TRPM1: variants seen among roughly 807,000 people sequenced by gnomAD.
TRPM1 encodes the protein TRPM1-203 APA Isoform, Intron 10.
TRPM1 carries 113 observed loss-of-function variants against 149.4 expected under a neutral mutation model. The observed-to-expected ratio is 0.76, with a 90% CI of 0.65 to 0.88. The LOEUF (loss-of-function observed/expected upper bound fraction) is 0.88, where lower values mean the gene tolerates loss of function less well. Ranked by LOEUF, TRPM1 falls within the 40% of genes least tolerant of loss-of-function variation. The pLI, the probability that TRPM1 is intolerant of heterozygous loss-of-function variation, is 0.00. For synonymous variants in TRPM1, 741 were observed against 759.5 expected (o/e 0.98, Z 0.40); for missense variants, 1,976 against 2,038.7 (o/e 0.97, Z 0.59).
intron 11 of TRPM1, 89 bp downstream of exon 11, chr15:31,060,455 T>C (rs1264409281): frequency 5.4e-6 from 6 of 1,109,876 alleles, no homozygotes; most frequent in Non-Finnish European, 8.1e-6. Context: ...CATAATTTCC[T>C]GAATTCCATG....
chr15:31,071,169 T>G (rs1275753622), intron 3 of TRPM1, among the ~76,000 whole-genome samples: 1 of 152,198 alleles, frequency 6.6e-6, no homozygotes, highest in African/African-American at 2.4e-5. Context: ...TGCCACTGTT[T>G]TGAGTGGACT....
At chr15:31,077,984 G>A (rs960649744) in intron 2 of TRPM1, among the ~76,000 whole-genome samples, 9 of 152,142 alleles carry the variant, frequency 5.9e-5, no homozygotes, top group Non-Finnish European at 1.3e-4. Flanking sequence ...CCTGTGTAGT[G>A]TGTATGTCTG....
chr15:31,053,497 AG>A (rs1158272195), intron 11 of TRPM1, among the ~76,000 whole-genome samples: 9 of 151,004 alleles, frequency 6.0e-5, no homozygotes, highest in Middle Eastern at 3.5e-3. Flanking sequence ...TCCTGACCTC[AG>A]GTGATCCACC....
At chr15:31,089,932 T>A (rs2140999259) in intron 1 of TRPM1, among the ~76,000 whole-genome samples, 1 of 152,244 alleles carries the variant, frequency 6.6e-6, no homozygotes, top group East Asian at 1.9e-4. Flanking sequence ...GAGCACCGTG[T>A]GGGGGTGGGA....
chr15:31,073,893 C>T (rs1323710245), intron 3 of TRPM1, among the ~76,000 whole-genome samples: 3 of 152,032 alleles, frequency 2.0e-5, no homozygotes, highest in African/African-American at 2.4e-5. Context: ...CCTGGTTTTC[C>T]GAGTGATTTT....
At chr15:31,014,439 T>C (rs1181795104) in intron 27 of TRPM1, among the ~76,000 whole-genome samples, 2 of 152,186 alleles carry the variant, frequency 1.3e-5, no homozygotes, top group Non-Finnish European at 2.9e-5. Context: ...GGAATGCAGG[T>C]TGTTGTTTTC....
intron 3 of TRPM1, among the ~76,000 whole-genome samples, chr15:31,070,742 A>G (rs2034517105): frequency 6.6e-6 from 1 of 152,134 alleles, no homozygotes; most frequent in Non-Finnish European, 1.5e-5. Flanking sequence ...TTTAGTAGAG[A>G]CAGCATTTTG....
intron 1 of TRPM1, among the ~76,000 whole-genome samples, chr15:31,137,963 A>T (rs536342165): frequency 6.6e-6 from 1 of 152,344 alleles, no homozygotes; most frequent in Non-Finnish European, 1.5e-5. Context: ...ACCCTGGGTT[A>T]TCTGATCTCT....
At chr15:31,022,214 A>C (rs1170799374) in intron 27 of TRPM1, among the ~76,000 whole-genome samples, 1 of 152,222 alleles carries the variant, frequency 6.6e-6, no homozygotes, top group East Asian at 1.9e-4. Context: ...TGTGCTCCGT[A>C]GTGGATGTGC....
chr15:31,069,279 C>G, intron 4 of TRPM1: 1 of 393,448 alleles, frequency 2.5e-6, no homozygotes, highest in Non-Finnish European at 3.5e-6. Context: ...TTGACCTCTT[C>G]AAAGTGAGGA....
intron 17 of TRPM1, 55 bp downstream of exon 17, chr15:31,041,896 C>T: frequency 6.3e-7 from 1 of 1,599,122 alleles, no homozygotes. Flanking sequence ...CCTGCAGAGA[C>T]AAGTACTCAG....
chr15:31,112,003 GC>G (rs1249729101), intron 1 of TRPM1, among the ~76,000 whole-genome samples: 2 of 152,084 alleles, frequency 1.3e-5, no homozygotes, highest in Non-Finnish European at 2.9e-5. Flanking sequence ...CAAAGACTTC[GC>G]ATTTTTATCT....
chr15:31,093,244 G>A (rs1412646143), intron 1 of TRPM1, among the ~76,000 whole-genome samples: 3 of 109,122 alleles, frequency 2.7e-5, no homozygotes, highest in African/African-American at 1.1e-4. Context: ...CTGGGCGACA[G>A]AGTGAGACTT....
intron 1 of TRPM1, among the ~76,000 whole-genome samples, chr15:31,098,485 G>T (rs2035442468): frequency 6.6e-6 from 1 of 152,148 alleles, no homozygotes; most frequent in South Asian, 2.1e-4. Flanking sequence ...TCCACAGCAC[G>T]GGAGAGTAGG....
At chr15:31,141,377 T>C (rs983105123) in intron 1 of TRPM1, among the ~76,000 whole-genome samples, 2 of 152,120 alleles carry the variant, frequency 1.3e-5, no homozygotes, top group Non-Finnish European at 2.9e-5. Flanking sequence ...AAAAGTAAGA[T>C]GTGTTTTTGG....
Position 31,049,512 on chromosome 15 carries a change from G to T in TRPM1, c.1438-3C>A, listed in dbSNP as rs1358396250. Reference sequence around the variant, plus strand: ...ATCGCTTGCTCCAAAGCATTCACCTGCAGGGACCAAGGGCCGGGAGCCTGT... The same window carrying T: ...ATCGCTTGCTCCAAAGCATTCACCTTCAGGGACCAAGGGCCGGGAGCCTGT... On this transcript the variant is annotated splice_region_variant and splice_polypyrimidine_tract_variant and intron_variant, in intron 12 of 27. Coordinates refer to ENST00000256552, the MANE Select transcript of TRPM1 (RefSeq NM_001252024.2). 1.2e-6 allele frequency: 2 copies of T among 1,613,724 alleles called. No individual in the cohort carries two copies. Among genetic ancestry groups the T allele is most frequent in the Non-Finnish European group, 1.7e-6 (2 of 1,180,010 alleles).
chr15:31,125,421 A>C (rs2035934664), intron 1 of TRPM1, among the ~76,000 whole-genome samples: 2 of 152,136 alleles, frequency 1.3e-5, no homozygotes. Context: ...TCTGAAAAAG[A>C]AATTCTAGCC....
intron 23 of TRPM1, among the ~76,000 whole-genome samples, chr15:31,029,942 C>T (rs1052185006): frequency 6.6e-6 from 1 of 151,964 alleles, no homozygotes; most frequent in African/African-American, 2.4e-5. Context: ...GCCTGGAATT[C>T]AGGAACTTTT....
At chr15:31,049,241 T>C (rs1238514485) in intron 13 of TRPM1, 134 bp downstream of exon 13, 1 of 1,316,360 alleles carries the variant, frequency 7.6e-7, no homozygotes, top group Non-Finnish European at 1.1e-6. Flanking sequence ...AGGTGAGAAG[T>C]AGCCGCCTGC....
Sources: allele counts gnomAD v4.1 joint callset (sites outside exome capture counted in the v4.1 genomes callset), GRCh38; gene constraint gnomAD v4.1.1; transcripts MANE v1.5; gene names NCBI Gene and HGNC (gene_info 2026-07-23, HGNC 2026-07-21).